Variants in NUF2 observed in about 807,000 individuals in gnomAD.
The protein encoded by NUF2 is NUF2 component of NDC80 kinetochore complex, also known as kinetochore protein Nuf2.
Under a neutral mutation model 61.8 loss-of-function variants are expected in NUF2, and 34 were observed. The ratio of observed to expected loss-of-function variants is 0.55; its 90% CI spans 0.42 to 0.73. NUF2 has a LOEUF of 0.73. Ranked by LOEUF, NUF2 falls within the 30% of genes least tolerant of loss-of-function variation. NUF2 has a pLI of 0.00. For missense variants in NUF2, 445 were observed against 539.1 expected, an observed-to-expected ratio of 0.83 and a Z score of 1.73; for synonymous variants, 172 against 181.6, an observed-to-expected ratio of 0.95 and a Z score of 0.42.
intron 13 of NUF2, among the ~76,000 whole-genome samples, chr1:163,352,524 A>G (rs1651355458): frequency 6.6e-6 from 1 of 152,218 alleles, no homozygotes. Flanking sequence ...TGATTCAGAG[A>G]GTAAGTTGTG....
chr1:163,349,006 C>G lies in NUF2; in HGVS notation c.1186C>G (p.Gln396Glu), dbSNP rs1347093988. The change falls in exon 13 of 14, where the codon CAA becomes GAA. Residue 396 changes from glutamine to glutamate, a missense_variant. Coordinates refer to ENST00000271452, the MANE Select transcript of NUF2 (RefSeq NM_145697.3). ...AVYERVTTIN[Q>E]EIQKIKLGIQ... is the part of the protein sequence containing the mutation. ...CTATGAACGAGTAACCACAATTAAT[C>G]AAGAAATCCAAAAAATTAAACTTGG... 1 of 1,610,990 alleles carries G rather than the reference C, an allele frequency of 6.2e-7. No homozygotes were observed. The highest frequency in any genetic ancestry group is 1.7e-5 in the Admixed American group (1 of 59,464).
chr1:163,354,558 A>G (rs28548818), intron 13 of NUF2, among the ~76,000 whole-genome samples: 5,147 of 152,220 alleles, frequency 0.034, 173 homozygotes, highest in African/African-American at 0.086. Context: ...TGGGAGAGAC[A>G]CTTAAAATTG....
intron 1 of NUF2, chr1:163,323,196 G>C (rs1051894655): frequency 6.6e-6 from 1 of 152,166 alleles, no homozygotes; most frequent in Non-Finnish European, 1.5e-5. Flanking sequence ...GAGAAGAGAG[G>C]AACAAGTGAT....
At chr1:163,344,712 T>C (rs1381419615) in intron 10 of NUF2, among the ~76,000 whole-genome samples, 1 of 134,094 alleles carries the variant, frequency 7.5e-6, no homozygotes, top group African/African-American at 2.7e-5. Context: ...AAAACATATG[T>C]GGTTTGTGTT....
rs1415975478 is a variant in NUF2 at position 163,328,273 on chromosome 1, T to C, written c.244T>C (p.Phe82Leu). 1.2e-6 allele frequency: 2 copies of C among 1,608,354 alleles called. No individual in the cohort carries two copies. Among genetic ancestry groups the C allele is most frequent in the Non-Finnish European group, 1.7e-6 (2 of 1,176,788 alleles). ...EVMYPHLMEGFLPFSNLVTHL... is the reference protein window; with the variant it reads ...EVMYPHLMEGLLPFSNLVTHL... ...CATGTATCCACATTTAATGGAAGGC[T>C]TCTTACCATTCAGCAATTTAGTTAC... Residue 82 changes from phenylalanine (F) to leucine (L), a missense_variant, in exon 4 of 14, where the codon TTC becomes CTC. Phe to Leu is a conservative substitution (Grantham distance 22, BLOSUM62 0). Transcript: ENST00000271452.
At chr1:163,345,529 T>A in intron 10 of NUF2, 149 bp from the exon 11 acceptor site, 8 of 624,204 alleles carry the variant, frequency 1.3e-5, no homozygotes, top group Non-Finnish European at 1.9e-5. Flanking sequence ...GTAATAGTGC[T>A]GTATTACTGA....
intron 5 of NUF2, among the ~76,000 whole-genome samples, chr1:163,336,026 T>G (rs548539490): frequency 7.2e-5 from 11 of 152,348 alleles, no homozygotes; most frequent in African/African-American, 2.4e-4. Flanking sequence ...CACATTCTTA[T>G]CTACTAAATC....
At chr1:163,338,385 G>A (rs1257535252) in intron 7 of NUF2, among the ~76,000 whole-genome samples, 1 of 151,878 alleles carries the variant, frequency 6.6e-6, no homozygotes, top group South Asian at 2.1e-4. Context: ...CTGGAATATT[G>A]TCTTATGTAG....
In NUF2 at chr1:163,340,344, G is replaced by A. The variant is rs181371319; in HGVS notation, c.607-20G>A. 8.8e-4 allele frequency: 1,398 copies of A among 1,583,208 alleles called. 6 individuals carry two copies. The highest frequency in any genetic ancestry group is 1.5e-3 in the South Asian group (136 of 88,370). ...TAAATGTTTTGAATCATTATAAAAC[G>A]TGTTTGCTTTTTCCCTTAGATAGTG... On this transcript the variant is annotated intron_variant, in intron 8 of 13. Transcript: ENST00000271452.
chr1:163,339,417 G>A lies in NUF2; in HGVS notation c.546G>A (p.Gln182=). The A allele has an allele frequency of 6.2e-7, 1 of 1,613,004 alleles. No individual in the cohort carries two copies. The highest frequency in any genetic ancestry group is 8.5e-7 in the Non-Finnish European group (1 of 1,179,144). ...TTGAAGAGCAAGAAGAGTTCAAGCA[G>A]CTTTCAGATGGAATTCAGGAGCTAC... is the stretch of plus-strand genomic sequence containing the variant. The part of the protein sequence containing the change: ...VPVEEQEEFK[Q]LSDGIQELQQ... Residue 182 remains glutamine (Q), a synonymous_variant, in exon 8 of 14, where the codon CAG becomes CAA. Coordinates refer to ENST00000271452, the MANE Select transcript of NUF2 (RefSeq NM_145697.3).
chr1:163,350,256 C>T (rs1004479120), intron 13 of NUF2, among the ~76,000 whole-genome samples: 13 of 150,826 alleles, frequency 8.6e-5, no homozygotes, highest in African/African-American at 2.9e-4. Flanking sequence ...GAGCTGAGAT[C>T]GCACCACTGC....
intron 13 of NUF2, among the ~76,000 whole-genome samples, chr1:163,352,272 C>G (rs12742509): frequency 0.17 from 25,903 of 152,196 alleles, 2,296 homozygotes; most frequent in Non-Finnish European, 0.19. Flanking sequence ...ATACGTCTGT[C>G]ACATAATTTT....
chr1:163,343,972 CT>C (rs1284244642), intron 10 of NUF2, 102 bp downstream of exon 10: 7 of 615,080 alleles, frequency 1.1e-5, no homozygotes, highest in Non-Finnish European at 7.4e-6. Flanking sequence ...ATTATCTATA[CT>C]TCTCTTCCTC....
chr1:163,345,897 G>A lies in NUF2; in HGVS notation c.948+79G>A, dbSNP rs573982557. 1.1e-4 allele frequency: 115 copies of A among 1,037,742 alleles called. No homozygotes were observed. In the African/African-American group the frequency reaches 1.7e-3, roughly 15 times the overall value. 64.3% of individuals were successfully genotyped at this position (1,037,742 alleles called of 1,614,324 possible). On this transcript the variant is annotated intron_variant, in intron 11 of 13. Coordinates refer to ENST00000271452, the MANE Select transcript of NUF2 (RefSeq NM_145697.3). ...TCCTTGTATTTTGCTTTCACTTTTT[G>A]TTATGTTTTCCTAAAGAAAAACAGG... is the stretch of plus-strand genomic sequence containing the variant.
intron 9 of NUF2, among the ~76,000 whole-genome samples, chr1:163,341,865 G>C (rs1002289170): frequency 6.6e-6 from 1 of 152,044 alleles, no homozygotes; most frequent in Non-Finnish European, 1.5e-5. Flanking sequence ...CCTGACCTCA[G>C]GGGACCTGCC....
chr1:163,333,360 C>T (rs1650660038), intron 5 of NUF2, among the ~76,000 whole-genome samples: 1 of 152,056 alleles, frequency 6.6e-6, no homozygotes, highest in Admixed American at 6.6e-5. Flanking sequence ...AATTCAACAT[C>T]ACTATCTCGG....
At chr1:163,344,983 G>A (rs1456187492) in intron 10 of NUF2, among the ~76,000 whole-genome samples, 1 of 151,996 alleles carries the variant, frequency 6.6e-6, no homozygotes, top group African/African-American at 2.4e-5. Flanking sequence ...ACAGATTTTA[G>A]GAGAACACTT....
Position 163,355,703 on chromosome 1 carries a change from T to C in NUF2, c.*234T>C, listed in dbSNP as rs1450548827. On this transcript the variant is annotated 3_prime_UTR_variant, in exon 14 of 14. Transcript: ENST00000271452. ...TCTCTACTCTGCCCCTTGTTGTAAA[T>C]AGTTTGAGTAAAACAAAACTAGTTA... 3.7e-5 allele frequency: 10 copies of C among 267,804 alleles called. No homozygotes were observed. The highest frequency in any genetic ancestry group is 6.3e-5 in the Non-Finnish European group (9 of 142,158). The allele number at this position is 267,804 out of a possible 1,614,324, so 16.6% of individuals were successfully genotyped here.
intron 5 of NUF2, among the ~76,000 whole-genome samples, chr1:163,332,455 T>G (rs1650627729): frequency 6.6e-6 from 1 of 152,190 alleles, no homozygotes; most frequent in South Asian, 2.1e-4. Context: ...CTTGGTGACT[T>G]AAGATAACAT....
Sources: gnomAD v4.1 joint callset for allele counts (sites outside exome capture counted in the v4.1 genomes callset) on GRCh38, gnomAD v4.1.1 for gene constraint, MANE v1.5 for transcripts, NCBI Gene and HGNC (gene_info 2026-07-23, HGNC 2026-07-21) for gene names.